Variants in RALGAPA2 observed in about 807,000 individuals in gnomAD.
RALGAPA2 encodes ral GTPase-activating protein subunit alpha-2.
A neutral mutation model predicts 230.4 loss-of-function variants in RALGAPA2; 139 were observed. The observed-to-expected ratio is 0.60, with a 90% confidence interval of 0.53 to 0.69. RALGAPA2 has a LOEUF of 0.69. Ranked by LOEUF, RALGAPA2 falls within the 30% of genes least tolerant of loss-of-function variation. The probability of loss-of-function intolerance (pLI) is 0.00; values close to 1 mark genes in which losing one functional copy is unlikely to be tolerated. For missense variants in RALGAPA2, 2,163 were observed against 2,276.0 expected (o/e 0.95, Z 1.01); for synonymous variants, 847 against 837.8 (o/e 1.01, Z -0.19).
intron 28 of RALGAPA2, 77 bp downstream of exon 28, chr20:20,526,175 T>C: frequency 9.2e-7 from 1 of 1,082,224 alleles, no homozygotes; most frequent in Non-Finnish European, 1.3e-6. Context: ...ATTATTTGAA[T>C]ATCTATAATT....
intron 1 of RALGAPA2, among the ~76,000 whole-genome samples, chr20:20,700,305 G>A (rs990390087): frequency 1.3e-5 from 2 of 152,078 alleles, no homozygotes. Context: ...TACCTAGAGG[G>A]GGGATGGAGG....
chr20:20,397,191 A>G (rs752003181), intron 38 of RALGAPA2, among the ~76,000 whole-genome samples: 2 of 152,240 alleles, frequency 1.3e-5, no homozygotes, highest in African/African-American at 2.4e-5. Flanking sequence ...GCAAGTTTAC[A>G]TGTCTCCAAG....
chr20:20,609,965 C>T (rs1360816371), intron 14 of RALGAPA2, among the ~76,000 whole-genome samples: 2 of 152,234 alleles, frequency 1.3e-5, no homozygotes, highest in Non-Finnish European at 2.9e-5. Context: ...GCCTCTCATA[C>T]ATTTTTTATC....
Position 20,536,636 on chromosome 20 carries a change from C to T in RALGAPA2, c.3414+20G>A. 1 of 1,607,760 alleles carries T rather than the reference C, an allele frequency of 6.2e-7. No homozygotes were observed. The highest frequency in any genetic ancestry group is 8.5e-7 in the Non-Finnish European group (1 of 1,175,788). On this transcript the variant is annotated intron_variant, in intron 25 of 39. Coordinates refer to ENST00000202677, the MANE Select transcript of RALGAPA2 (RefSeq NM_020343.4). The stretch of plus-strand genomic sequence containing the variant: ...TATAAAAAGTACTAAACTTGAGATA[C>T]AGTCAAATGCGTTATGTACCTTGAC...
chr20:20,426,710 G>A (rs6035625), intron 37 of RALGAPA2, among the ~76,000 whole-genome samples: 17,160 of 152,122 alleles, frequency 0.11, 2,857 homozygotes, highest in African/African-American at 0.36. Flanking sequence ...GCCCTTTTAC[G>A]AATGCACCTC....
In RALGAPA2 at chr20:20,524,897, A is replaced by T; in HGVS notation, c.3695T>A (p.Ile1232Asn). Residue 1232 changes from isoleucine to asparagine, a missense_variant and splice_region_variant, in exon 29 of 40, where the codon ATC (isoleucine) becomes AAC (asparagine). Ile to Asn is a moderately radical substitution (Grantham distance 149). Coordinates refer to ENST00000202677, the MANE Select transcript of RALGAPA2 (RefSeq NM_020343.4). ...AAGAAAAGCAACTGTGGCCACGAGG[A>T]TCTGCATAAAAGATAAATCCCCAAT... ...ETSLPRKMAE[I>N]LVATVAFLLP... The T allele has an allele frequency of 1.9e-6, 3 of 1,603,888 alleles. No individual in the cohort carries two copies. The highest frequency in any genetic ancestry group is 2.6e-6 in the Non-Finnish European group (3 of 1,174,690).
rs574974087 is a variant in RALGAPA2, at chr20:20,444,903, C to T, written c.5495+27926G>A. On this transcript the variant is annotated intron_variant, in intron 37 of 39. Transcript: ENST00000202677. Reference sequence around the variant, plus strand: ...GCACACTGTCTGTCCTTTTGTCCAGCGGGTCCACGCCGCATGCGCTGCCTA... The same window carrying T: ...GCACACTGTCTGTCCTTTTGTCCAGTGGGTCCACGCCGCATGCGCTGCCTA... Among the ~76,000 whole-genome samples the T allele has an allele frequency of 7.2e-5, 11 of 152,308 alleles. No individual in the cohort carries two copies. The East Asian group carries it at 1.7e-3, about 24-fold the overall frequency.
rs1419017513 is a variant in RALGAPA2, at chr20:20,549,562, A to G, written c.3157-2730T>C. On this transcript the variant is annotated intron_variant, in intron 23 of 39. Transcript: ENST00000202677. ...GGGGGGTTAAAGAGGGAACTATATGACCAGTCAGCCAAATTATGGCCATAT... is the reference window on the plus strand; with the variant it reads ...GGGGGGTTAAAGAGGGAACTATATGGCCAGTCAGCCAAATTATGGCCATAT... Among the ~76,000 whole-genome samples the G allele has an allele frequency of 3.3e-5, 5 of 152,144 alleles. No individual in the cohort carries two copies. The East Asian group carries it at 9.6e-4, about 29-fold the overall frequency.
intron 4 of RALGAPA2, among the ~76,000 whole-genome samples, chr20:20,646,901 A>ATT (rs5840888): frequency 3.3e-5 from 5 of 151,108 alleles, no homozygotes; most frequent in South Asian, 4.2e-4. Context: ...TGTACTTTTA[A>ATT]TTTTTTTTTC....
intron 3 of RALGAPA2, among the ~76,000 whole-genome samples, chr20:20,663,754 G>A (rs1289696028): frequency 6.6e-6 from 1 of 152,112 alleles, no homozygotes; most frequent in Non-Finnish European, 1.5e-5. Flanking sequence ...ACAACACCTA[G>A]CTAATTATTG....
At chr20:20,623,142 A>G (rs931222662) in intron 10 of RALGAPA2, among the ~76,000 whole-genome samples, 2 of 152,204 alleles carry the variant, frequency 1.3e-5, no homozygotes, top group African/African-American at 4.8e-5. Flanking sequence ...GCTATGTTAA[A>G]CGTAATGAAT....
At chr20:20,653,195 CAAAAA>C (rs60906434) in intron 4 of RALGAPA2, among the ~76,000 whole-genome samples, 1 of 27,528 alleles carries the variant, frequency 3.6e-5, no homozygotes, top group East Asian at 1.3e-3. Flanking sequence ...GACTCCATCT[CAAAAA>C]AAAAAAAAAA....
intron 3 of RALGAPA2, among the ~76,000 whole-genome samples, chr20:20,655,338 A>G (rs2146625754): frequency 6.6e-6 from 1 of 152,264 alleles, no homozygotes; most frequent in South Asian, 2.1e-4. Context: ...TTTAAATAAA[A>G]AAAAAAACCT....
In RALGAPA2 at chr20:20,571,962, G is replaced by T; in HGVS notation, c.2902-16C>A. On this transcript the variant is annotated splice_polypyrimidine_tract_variant and intron_variant, in intron 21 of 39. Transcript: ENST00000202677. ...TATCCCGTATCTAATTCACAAAGAG[G>T]AGAATTTTAGGGTAGGTAACATTAC... The T allele has an allele frequency of 6.5e-7, 1 of 1,546,894 alleles. No homozygotes were observed. Among genetic ancestry groups the T allele is most frequent in the South Asian group, 1.2e-5 (1 of 86,702 alleles).
chr20:20,534,610 G>C (rs911144376), intron 26 of RALGAPA2, among the ~76,000 whole-genome samples: 28 of 151,558 alleles, frequency 1.8e-4, no homozygotes, highest in African/African-American at 5.8e-4. Context: ...TCACTGAAGA[G>C]AATGAGTCAG....
chr20:20,432,628 A>G (rs1251921703), intron 37 of RALGAPA2, among the ~76,000 whole-genome samples: 1 of 152,230 alleles, frequency 6.6e-6, no homozygotes, highest in African/African-American at 2.4e-5. Context: ...GAGAGAGACT[A>G]AATAGCAGAC....
intron 16 of RALGAPA2, 86 bp downstream of exon 16, chr20:20,601,596 G>T: frequency 7.4e-7 from 1 of 1,346,810 alleles, no homozygotes; most frequent in South Asian, 1.5e-5. Context: ...TTTAAATTTT[G>T]AGTAGAATTT....
At chr20:20,697,682 G>C (rs2069172430) in intron 1 of RALGAPA2, among the ~76,000 whole-genome samples, 1 of 152,168 alleles carries the variant, frequency 6.6e-6, no homozygotes. Context: ...CTAGGGGAGT[G>C]GCCACACTCC....
At chr20:20,585,118 T>C (rs2065096160) in intron 18 of RALGAPA2, among the ~76,000 whole-genome samples, 163 bp from the exon 19 acceptor site, 1 of 152,070 alleles carries the variant, frequency 6.6e-6, no homozygotes, top group Non-Finnish European at 1.5e-5. Flanking sequence ...AATCACTATA[T>C]TTAATTTTAT....
Sources: allele counts gnomAD v4.1 joint callset (sites outside exome capture counted in the v4.1 genomes callset), GRCh38; gene constraint gnomAD v4.1.1; transcripts MANE v1.5; gene names NCBI Gene and HGNC (gene_info 2026-07-23, HGNC 2026-07-21).